The following DAO variants were observed in gnomAD, a reference collection of about 807,000 sequenced individuals.
DAO encodes the protein D-amino-acid oxidase.
DAO carries 51 observed loss-of-function variants against 50.1 expected under a neutral mutation model. The observed-to-expected ratio is 1.02, with a 90% CI of 0.81 to 1.29. The LOEUF (loss-of-function observed/expected upper bound fraction) is 1.29, where lower values mean the gene tolerates loss of function less well. Among genes scored for constraint, DAO ranks in the 50% most tolerant of loss-of-function variants. DAO has a pLI of 0.00. For missense variants in DAO, 436 were observed against 439.4 expected, an observed-to-expected ratio of 0.99 and a Z score of 0.07; for synonymous variants, 160 against 166.2, an observed-to-expected ratio of 0.96 and a Z score of 0.29.
At chr12:108,899,617 T>C (rs2039600466) in intron 10 of DAO, 142 bp downstream of exon 10, 1 of 746,140 alleles carries the variant, frequency 1.3e-6, no homozygotes, top group Non-Finnish European at 2.3e-6. Context: ...TATCCCCTCC[T>C]CTATAAATGG....
intron 9 of DAO, 59 bp downstream of exon 9, chr12:108,898,855 G>A (rs771950933): frequency 3.0e-5 from 33 of 1,085,736 alleles, no homozygotes; most frequent in Non-Finnish European, 4.3e-5. Flanking sequence ...TGGTAATGAG[G>A]ACACTTCAGG....
rs1189929476 is a variant in DAO, at chr12:108,887,480, C to T, written c.225C>T (p.Leu75=). The part of the protein sequence containing the change: ...ADWSQQTFDY[L]LSHVHSPNAE... ...GGAGCCAACAGACCTTTGACTATCT[C>T]CTGAGCCATGTCCATTCTCCCAACG... Residue 75 remains leucine (L), a synonymous_variant, in exon 3 of 11, where the codon CTC becomes CTT. Coordinates refer to ENST00000228476, the MANE Select transcript of DAO (RefSeq NM_001917.5). 3 of 1,614,166 alleles carry T rather than the reference C, an allele frequency of 1.9e-6. No individual in the cohort carries two copies. The highest frequency in any genetic ancestry group is 4.5e-5 in the East Asian group (2 of 44,876).
intron 7 of DAO, among the ~76,000 whole-genome samples, chr12:108,895,601 GGTGT>G (rs758373546): frequency 4.0e-4 from 52 of 131,232 alleles, no homozygotes; most frequent in African/African-American, 1.3e-3. Context: ...CGTGTGTGAT[GGTGT>G]GTGTGTGTGA....
chr12:108,898,783 A>AGCC lies in DAO; in HGVS notation c.801_803dup (p.Pro268dup). The stretch of plus-strand genomic sequence containing the variant: ...ATTTGGGAAGGCTGCTGCAGACTGG[A>AGCC]GCCCACACTGAAGGTAAGGTAGGGA... On this transcript the variant is annotated inframe_insertion, in exon 9 of 11. Coordinates refer to ENST00000228476, the MANE Select transcript of DAO (RefSeq NM_001917.5). 3.7e-6 allele frequency: 6 copies of AGCC among 1,613,138 alleles called. No individual in the cohort carries two copies. Among genetic ancestry groups the AGCC allele is most frequent in the Non-Finnish European group, 5.1e-6 (6 of 1,179,070 alleles).
chr12:108,886,510 G>A (rs1156858504), intron 2 of DAO, among the ~76,000 whole-genome samples: 2 of 151,686 alleles, frequency 1.3e-5, no homozygotes, highest in Non-Finnish European at 2.9e-5. Context: ...CTGTCACCCA[G>A]GCTGAAGTGC....
At chr12:108,885,721 G>A (rs571458083) in intron 2 of DAO, among the ~76,000 whole-genome samples, 2 of 152,146 alleles carry the variant, frequency 1.3e-5, no homozygotes, top group Non-Finnish European at 2.9e-5. Flanking sequence ...CATGATTGGT[G>A]AATCTGGAAA....
Position 108,900,716 on chromosome 12 carries a change from T to C in DAO, c.*181T>C. ...GGTTCAGCCCAACATGGGGCCCCTC[T>C]CATCACTGAAATCCCTCTACCTTCT... On this transcript the variant is annotated 3_prime_UTR_variant, in exon 11 of 11. Transcript: ENST00000228476. The C allele has an allele frequency of 1.4e-6, 1 of 691,832 alleles. No individual in the cohort carries two copies. Among genetic ancestry groups the C allele is most frequent in the Middle Eastern group, 3.1e-4 (1 of 3,246 alleles). 42.9% of individuals were successfully genotyped at this position (691,832 alleles called of 1,614,324 possible).
chr12:108,894,968 G>T (rs2039531578), intron 7 of DAO, among the ~76,000 whole-genome samples: 1 of 152,100 alleles, frequency 6.6e-6, no homozygotes, highest in Admixed American at 6.5e-5. Flanking sequence ...CCCCCACCTT[G>T]GCCTGTCAAA....
chr12:108,889,378 G>A (rs2039465510), intron 3 of DAO, 91 bp from the exon 4 acceptor site: 1 of 834,702 alleles, frequency 1.2e-6, no homozygotes, highest in Non-Finnish European at 2.0e-6. Flanking sequence ...CCAAAGTGCT[G>A]GGATTACAGG....
chr12:108,881,501 ACACACACACG>A (rs1358619806), intron 1 of DAO, among the ~76,000 whole-genome samples: 26 of 150,794 alleles, frequency 1.7e-4, no homozygotes, highest in African/African-American at 5.6e-4. Context: ...ACACACACAC[ACACACACACG>A]TTGCTATAAT....
chr12:108,899,229 G>T (rs1411446948), intron 9 of DAO, 148 bp from the exon 10 acceptor site: 13 of 684,866 alleles, frequency 1.9e-5, no homozygotes, highest in Non-Finnish European at 2.9e-5. Flanking sequence ...GATAAAGATG[G>T]TGTTGGTGGT....
intron 7 of DAO, 55 bp downstream of exon 7, chr12:108,894,422 G>A (rs2039525442): frequency 7.6e-7 from 1 of 1,324,254 alleles, no homozygotes; most frequent in Non-Finnish European, 1.1e-6. Context: ...CATTCTGCAT[G>A]CTTATTTCAT....
chr12:108,894,433 C>T, intron 7 of DAO, 66 bp downstream of exon 7: 5 of 1,235,088 alleles, frequency 4.0e-6, no homozygotes, highest in Non-Finnish European at 4.7e-6. Flanking sequence ...CTTATTTCAT[C>T]CCTCAAGATC....
chr12:108,884,931 G>T, intron 1 of DAO, 67 bp from the exon 2 acceptor site: 1 of 1,468,432 alleles, frequency 6.8e-7, no homozygotes, highest in South Asian at 1.1e-5. Flanking sequence ...AGTGGATGGT[G>T]GCAATGGCGC....
intron 8 of DAO, among the ~76,000 whole-genome samples, chr12:108,898,126 A>G (rs764453195): frequency 5.3e-5 from 8 of 152,060 alleles, no homozygotes; most frequent in Non-Finnish European, 1.0e-4. Flanking sequence ...ATAATATTGT[A>G]TTGATGGGGA....
Position 108,898,713 on chromosome 12 carries a change from T to C in DAO, c.730T>C (p.Leu244=). 3 of 1,613,936 alleles carry C rather than the reference T, an allele frequency of 1.9e-6. No homozygotes were observed. The highest frequency in any genetic ancestry group is 1.7e-6 in the Non-Finnish European group (2 of 1,179,880). The change falls in exon 9 of 11, where the codon TTG becomes CTG. Residue 244 remains leucine (L), a synonymous_variant. Transcript: ENST00000228476. ...QTVTLGGIFQ[L]GNWSELNNIQ... Reference sequence around the variant, plus strand: ...AGTTACTCTTGGAGGCATCTTCCAGTTGGGAAACTGGAGTGAACTAAACAA... The same window carrying C: ...AGTTACTCTTGGAGGCATCTTCCAGCTGGGAAACTGGAGTGAACTAAACAA...
At chr12:108,893,188 A>G in intron 6 of DAO, 152 bp downstream of exon 6, 1 of 718,216 alleles carries the variant, frequency 1.4e-6, no homozygotes. Flanking sequence ...GGTATTCTGA[A>G]GGAGGAAGTC....
At chr12:108,898,587 T>G (rs1482988733) in intron 8 of DAO, 92 bp from the exon 9 acceptor site, 2 of 861,776 alleles carry the variant, frequency 2.3e-6, no homozygotes, top group African/African-American at 1.7e-5. Context: ...GGTGGTGGTG[T>G]TAGCAGAGGT....
chr12:108,898,348 A>T, intron 8 of DAO: 1 of 370,472 alleles, frequency 2.7e-6, no homozygotes, highest in Non-Finnish European at 5.3e-6. Context: ...ACATGGTTGC[A>T]CCAACCATGT....
Sources: allele counts gnomAD v4.1 joint callset (sites outside exome capture counted in the v4.1 genomes callset), GRCh38; gene constraint gnomAD v4.1.1; transcripts MANE v1.5; gene names NCBI Gene and HGNC (gene_info 2026-07-23, HGNC 2026-07-21).